Variants in RTCB observed in about 807,000 individuals in gnomAD.
RTCB encodes the protein RNA-splicing ligase RTCB.
A neutral mutation model predicts 58.2 loss-of-function variants in RTCB; 32 were observed. The observed-to-expected ratio is 0.55, with a 90% CI of 0.41 to 0.74. The LOEUF (loss-of-function observed/expected upper bound fraction) is 0.74. Ranked by LOEUF, RTCB falls within the 30% of genes least tolerant of loss-of-function variation. The pLI is 0.00. For synonymous variants in RTCB, 247 were observed against 218.6 expected (o/e 1.13, Z -1.15); for missense variants, 523 against 639.0 (o/e 0.82, Z 1.96).
chr22:32,396,896 C>T (rs1458286559), intron 7 of RTCB, among the ~76,000 whole-genome samples: 5 of 152,198 alleles, frequency 3.3e-5, no homozygotes, highest in Non-Finnish European at 1.5e-5. Context: ...AAACAGCAAA[C>T]TGTTCTTATG....
chr22:32,401,649 C>A, intron 5 of RTCB, 98 bp downstream of exon 5: 1 of 1,320,082 alleles, frequency 7.6e-7, no homozygotes, highest in South Asian at 1.5e-5. Context: ...AGTAACTGAA[C>A]AATCCTCATC....
chr22:32,408,872 T>C, intron 1 of RTCB, 39 bp from the exon 2 acceptor site: 2 of 1,449,928 alleles, frequency 1.4e-6, no homozygotes, highest in Non-Finnish European at 9.7e-7. Context: ...TCTGAGTACA[T>C]GCGCGGCAAG....
Position 32,412,150 on chromosome 22 carries a change from G to A in RTCB, c.7C>T (p.Arg3Cys), listed in dbSNP as rs750489569. ...AACTGCAGCTCATCATTATAGCTGC[G>A]ACTCATGGTGGCGAAAACTGTAGCA... The part of the protein sequence containing the change: MS[R>C]SYNDELQFLE... The change falls in exon 1 of 12, where the codon CGC becomes TGC. Residue 3 changes from arginine to cysteine, a missense_variant. Physicochemically the swap from Arg to Cys is radical, Grantham distance 180 (BLOSUM62 -3). This residue lies in a region of RTCB where 134 missense variants were observed against 129.9 expected (regional missense o/e 1.03). Coordinates refer to ENST00000216038, the MANE Select transcript of RTCB (RefSeq NM_014306.5). 6.3e-6 allele frequency: 10 copies of A among 1,591,992 alleles called. No individual in the cohort carries two copies. Among genetic ancestry groups the A allele is most frequent in the East Asian group, 2.3e-5 (1 of 42,618 alleles).
At chr22:32,407,612 C>T (rs1601431653) in intron 3 of RTCB, 2 of 152,694 alleles carry the variant, frequency 1.3e-5, no homozygotes, top group East Asian at 3.9e-4. Context: ...AATGGTGGTG[C>T]ACTGATCCAG....
At chr22:32,390,367 A>G (rs927740338) in intron 11 of RTCB, among the ~76,000 whole-genome samples, 13 of 152,126 alleles carry the variant, frequency 8.5e-5, no homozygotes, top group Admixed American at 6.5e-4. Flanking sequence ...AAACCAAAAA[A>G]CCAAAAATCC....
chr22:32,412,025 G>C (rs115236369), intron 1 of RTCB, 39 bp downstream of exon 1: 24 of 1,529,114 alleles, frequency 1.6e-5, no homozygotes, highest in Middle Eastern at 1.8e-4. Context: ...GGCCGGGGAC[G>C]GAGCACGGAA....
At chr22:32,394,571 T>C (rs1358855726) in intron 9 of RTCB, among the ~76,000 whole-genome samples, 7 of 151,966 alleles carry the variant, frequency 4.6e-5, no homozygotes, top group Non-Finnish European at 8.8e-5. Flanking sequence ...AATCCAAAAG[T>C]GTAGAGAAGT....
chr22:32,396,677 C>T (rs77342540), intron 7 of RTCB, among the ~76,000 whole-genome samples: 12,208 of 152,266 alleles, frequency 0.08, 567 homozygotes, highest in African/African-American at 0.12. Context: ...ACACTTCGTA[C>T]ATCTGCTAGG....
At chr22:32,404,369 TTTTG>T (rs1384601745) in intron 4 of RTCB, among the ~76,000 whole-genome samples, 1 of 152,204 alleles carries the variant, frequency 6.6e-6, no homozygotes, top group Non-Finnish European at 1.5e-5. Flanking sequence ...ATTTCCATAG[TTTTG>T]TTTTTGACTC....
chr22:32,407,965 G>A (rs2076041), intron 3 of RTCB: 52,477 of 572,544 alleles, frequency 0.092, 5,126 homozygotes, highest in East Asian at 0.45. Context: ...ATGTTGCCCA[G>A]ACTAGTCTTG....
intron 10 of RTCB, 134 bp downstream of exon 10, chr22:32,393,758 A>G (rs921488710): frequency 4.6e-6 from 3 of 653,286 alleles, no homozygotes; most frequent in Non-Finnish European, 8.2e-6. Context: ...TATGGGGAAC[A>G]ATTTGAAGTA....
At chr22:32,407,814 G>A (rs1388994874) in intron 3 of RTCB, 1 of 185,460 alleles carries the variant, frequency 5.4e-6, no homozygotes, top group East Asian at 1.3e-4. Flanking sequence ...CACGCTAAAA[G>A]TGCAGTGGCG....
chr22:32,395,239 A>T, intron 8 of RTCB, 25 bp from the exon 9 acceptor site: 1 of 1,605,514 alleles, frequency 6.2e-7, no homozygotes, highest in South Asian at 1.1e-5. Flanking sequence ...AGAAGATAAA[A>T]GCAGCCAGAA....
At chr22:32,390,006 C>T (rs1263513868) in intron 11 of RTCB, among the ~76,000 whole-genome samples, 1 of 152,104 alleles carries the variant, frequency 6.6e-6, no homozygotes, top group East Asian at 1.9e-4. Flanking sequence ...TTCTCTCTGC[C>T]TCGAAAGCTC....
Position 32,399,300 on chromosome 22 carries a change from C to T in RTCB, c.654+303G>A, listed in dbSNP as rs570317459. Among the ~76,000 whole-genome samples, 11 of 151,674 alleles carry T rather than the reference C, an allele frequency of 7.3e-5. No individual in the cohort carries two copies. The East Asian group carries it at 7.8e-4, about 11-fold the overall frequency. On this transcript the variant is annotated intron_variant, in intron 6 of 11. Transcript: ENST00000216038. ...TACTTGCATGTGCCACCATGCCTGG[C>T]TAATTTTTTTTTTTTTTAATTTTTG...
intron 1 of RTCB, among the ~76,000 whole-genome samples, chr22:32,410,329 G>T (rs11704587): frequency 6.6e-6 from 1 of 152,134 alleles, no homozygotes; most frequent in Admixed American, 6.5e-5. Flanking sequence ...ACGCAAAAAT[G>T]ACGTAAAGAT....
intron 7 of RTCB, among the ~76,000 whole-genome samples, chr22:32,396,945 C>A (rs1400333159): frequency 6.6e-6 from 1 of 152,156 alleles, no homozygotes; most frequent in Non-Finnish European, 1.5e-5. Context: ...GCGTCTGTTG[C>A]CCAGAAGGAA....
rs754906318 is a variant in RTCB, at chr22:32,396,199, T to C, written c.865A>G (p.Asn289Asp). Residue 289 changes from asparagine (N) to aspartate (D), a missense_variant, in exon 8 of 12, where the codon AAT becomes GAT. By Grantham distance (23) the Asn-to-Asp change is conservative. Coordinates refer to ENST00000216038, the MANE Select transcript of RTCB (RefSeq NM_014306.5). ...KAMKRDKIIV[N>D]DRQLACARIA... ...CGAGCACAAGCCAACTGCCGATCAT[T>C]GACTATAATCTTGTCTCTCTTCATG... The C allele has an allele frequency of 1.2e-6, 2 of 1,614,198 alleles. No homozygotes were observed. The highest frequency in any genetic ancestry group is 4.5e-5 in the East Asian group (2 of 44,890).
At chr22:32,405,512 G>C (rs993329083) in intron 4 of RTCB, among the ~76,000 whole-genome samples, 2 of 152,088 alleles carry the variant, frequency 1.3e-5, no homozygotes, top group African/African-American at 4.8e-5. Context: ...GTATATTAGA[G>C]GTCACGTGTC....
Sources: allele counts gnomAD v4.1 joint callset (sites outside exome capture counted in the v4.1 genomes callset), GRCh38; gene constraint gnomAD v4.1.1; regional missense constraint gnomAD v4.1.1; transcripts MANE v1.5; gene names NCBI Gene and HGNC (gene_info 2026-07-23, HGNC 2026-07-21).